FAM133A: variants seen among roughly 807,000 people sequenced by gnomAD.
The protein encoded by FAM133A is protein FAM133A.
For missense variants in FAM133A, 159 were observed against 164.4 expected (o/e 0.97, Z 0.18); for synonymous variants, 65 against 58.6 (o/e 1.11, Z -0.50).
intron 2 of FAM133A, among the ~76,000 whole-genome samples, chrX:93,684,491 G>A: frequency 8.9e-6 from 1 of 111,844 alleles, no homozygotes; most frequent in Admixed American, 9.5e-5. Flanking sequence ...GAACAAAAGA[G>A]CTGGTTCTCA....
chrX:93,685,980 G>A (rs1925487269), intron 2 of FAM133A, among the ~76,000 whole-genome samples: 1 of 108,480 alleles, frequency 9.2e-6, no homozygotes, highest in Non-Finnish European at 1.9e-5. Context: ...GTGGTGGCAG[G>A]CACCTGTAAT....
rs1447055080 is a variant in FAM133A, at chrX:93,705,362, A to ACAGTGC, written c.-103-3954_-103-3949dup. ...ATAATAGAAACAGAGAAGATAAGCC[A>ACAGTGC]CAGTGCTTTTAAAACAGAGTATTTG... On this transcript the variant is annotated intron_variant, in intron 3 of 3. Coordinates refer to ENST00000683942, the MANE Select transcript of FAM133A (RefSeq NM_001171109.2). Among the ~76,000 whole-genome samples the ACAGTGC allele has an allele frequency of 2.4e-4, 27 of 111,893 alleles. No individual in the cohort carries two copies. The Admixed American group carries it at 2.6e-3, about 11-fold the overall frequency.
rs1476222624 is a variant in FAM133A, at chrX:93,709,633, G to A, written c.214G>A (p.Glu72Lys). 2 of 1,190,914 alleles carry A rather than the reference G, an allele frequency of 1.7e-6. No individual in the cohort carries two copies. Among genetic ancestry groups the A allele is most frequent in the Non-Finnish European group, 1.1e-6 (1 of 888,301 alleles). Residue 72 changes from glutamate to lysine, a missense_variant, in exon 4 of 4, where the codon GAA becomes AAA. Physicochemically the swap from Glu to Lys is moderately conservative, Grantham distance 56 (BLOSUM62 1). Coordinates refer to ENST00000683942, the MANE Select transcript of FAM133A (RefSeq NM_001171109.2). ...AAAAATGAATGAAAATTGGAAGAAA[G>A]AACTTGAAAAAAGCAGAGAGAAATT... is the stretch of plus-strand genomic sequence containing the variant. Reference protein sequence around the residue: ...EEKMNENWKKELEKSREKLLS... With the variant: ...EEKMNENWKKKLEKSREKLLS...
At position 93,710,167 on chromosome X, in the gene FAM133A, C is replaced by T. The variant is rs1927349582; in HGVS notation, c.*1C>T. On this transcript the variant is annotated 3_prime_UTR_variant, in exon 4 of 4. Coordinates refer to ENST00000683942, the MANE Select transcript of FAM133A (RefSeq NM_001171109.2). ...TGGATCAAGTCACAAGTCAAGGTAA[C>T]ATCAAGAAAAAAAGCAAGAATGAGT... 1 of 1,149,323 alleles carries T rather than the reference C, an allele frequency of 8.7e-7. No homozygotes were observed. Among genetic ancestry groups the T allele is most frequent in the Admixed American group, 3.1e-5 (1 of 32,522 alleles). 94.7% of individuals were successfully genotyped at this position (1,149,323 alleles called of 1,213,427 possible). A position where few individuals can be genotyped will look rare whatever the true frequency, so the allele number is the denominator to read the frequency against.
intron 2 of FAM133A, among the ~76,000 whole-genome samples, chrX:93,690,131 C>T (rs1925793702): frequency 9.0e-6 from 1 of 110,698 alleles, no homozygotes; most frequent in Admixed American, 9.7e-5. Flanking sequence ...AAAATGGGTG[C>T]ATACGGTGAG....
rs1280671830 is a variant in FAM133A, at chrX:93,709,776, T to A, written c.357T>A (p.Asp119Glu). The change falls in exon 4 of 4, where the codon GAT becomes GAA. Residue 119 changes from aspartate to glutamate, a missense_variant. Asp to Glu is a conservative substitution (Grantham distance 45). Coordinates refer to ENST00000683942, the MANE Select transcript of FAM133A (RefSeq NM_001171109.2). ...CTGATTCTTCAAGCAGTTCTTCAGA[T>A]TCTGAGGATGAGGAAAAGAAACAAG... ...SSSDSSSSSS[D>E]SEDEEKKQGK... 1.7e-6 allele frequency: 2 copies of A among 1,193,219 alleles called. No individual in the cohort carries two copies. The highest frequency in any genetic ancestry group is 2.3e-6 in the Non-Finnish European group (2 of 886,300).
At chrX:93,681,825 G>A (rs1444036351) in intron 2 of FAM133A, among the ~76,000 whole-genome samples, 1 of 111,654 alleles carries the variant, frequency 9.0e-6, no homozygotes, top group African/African-American at 3.2e-5. Context: ...TGTTTGTTTA[G>A]AGGTAACTGG....
intron 3 of FAM133A, among the ~76,000 whole-genome samples, chrX:93,701,334 T>G (rs548677592): frequency 1.8e-5 from 2 of 111,727 alleles, no homozygotes; most frequent in Admixed American, 9.5e-5. Context: ...TTAATAAGAT[T>G]TGTAATTTGA....
At chrX:93,700,939 A>G (rs1283299485) in intron 3 of FAM133A, among the ~76,000 whole-genome samples, 3 of 111,421 alleles carry the variant, frequency 2.7e-5, no homozygotes, top group African/African-American at 9.8e-5. Context: ...GCACAAATAG[A>G]TATGTTTTGA....
At chrX:93,704,175 C>A (rs896532301) in intron 3 of FAM133A, among the ~76,000 whole-genome samples, 5 of 111,691 alleles carry the variant, frequency 4.5e-5, no homozygotes, top group East Asian at 5.6e-4. Flanking sequence ...TCCAAAAAAA[C>A]CTCTTTATTT....
intron 3 of FAM133A, among the ~76,000 whole-genome samples, chrX:93,703,024 C>T (rs780864584): frequency 9.2e-6 from 1 of 108,710 alleles, no homozygotes; most frequent in Non-Finnish European, 1.9e-5. Flanking sequence ...CCTGTCTCTA[C>T]GAAAAAATAC....
intron 2 of FAM133A, among the ~76,000 whole-genome samples, chrX:93,678,650 G>A (rs1007119241): frequency 1.8e-5 from 2 of 111,713 alleles, no homozygotes; most frequent in Non-Finnish European, 3.8e-5. Context: ...AAAGTACAAG[G>A]TATGGATTGA....
chrX:93,709,912 G>A lies in FAM133A; in HGVS notation c.493G>A (p.Asp165Asn), dbSNP rs1471117473. Residue 165 changes from aspartate to asparagine, a missense_variant, in exon 4 of 4, where the codon GAT becomes AAT. Transcript: ENST00000683942. Reference protein sequence around the residue: ...ESVKKKKKSKDETEKEKDVRS... With the variant: ...ESVKKKKKSKNETEKEKDVRS... ...TGTAAAAAAGAAAAAGAAGTCAAAG[G>A]ATGAAACAGAGAAAGAAAAGGATGT... 1 of 1,190,474 alleles carries A rather than the reference G, an allele frequency of 8.4e-7. No homozygotes were observed. The highest frequency in any genetic ancestry group is 1.8e-5 in the African/African-American group (1 of 55,790).
chrX:93,684,167 GTATTGTTGTA>G (rs1299029905), intron 2 of FAM133A, among the ~76,000 whole-genome samples: 2 of 111,659 alleles, frequency 1.8e-5, no homozygotes, highest in Non-Finnish European at 3.8e-5. Context: ...CATTTTGAGT[GTATTGTTGTA>G]TAGGCAGAGA....
intron 3 of FAM133A, among the ~76,000 whole-genome samples, chrX:93,699,848 A>T (rs1267950358): frequency 9.0e-6 from 1 of 111,195 alleles, no homozygotes; most frequent in Non-Finnish European, 1.9e-5. Context: ...CTATCATCTA[A>T]TGCCTAATCA....
In FAM133A at chrX:93,709,886, C is replaced by G. The variant is rs947618769; in HGVS notation, c.467C>G (p.Ser156Cys). 8.4e-7 allele frequency: 1 copy of G among 1,196,083 alleles called. No homozygotes were observed. The highest frequency in any genetic ancestry group is 1.1e-6 in the Non-Finnish European group (1 of 889,138). Residue 156 changes from serine (S) to cysteine (C), a missense_variant, in exon 4 of 4, where the codon TCT (serine) becomes TGT (cysteine). Physicochemically the swap from Ser to Cys is moderately radical, Grantham distance 112 (BLOSUM62 -1). Coordinates refer to ENST00000683942, the MANE Select transcript of FAM133A (RefSeq NM_001171109.2). ...THESESESKE[S>C]VKKKKKSKDE... ...GAATCAGAATCAGAGAGCAAGGAGTCTGTAAAAAAGAAAAAGAAGTCAAAG... is the reference window on the plus strand; with the variant it reads ...GAATCAGAATCAGAGAGCAAGGAGTGTGTAAAAAAGAAAAAGAAGTCAAAG...
At chrX:93,697,637 T>C (rs920559214) in intron 2 of FAM133A, among the ~76,000 whole-genome samples, 2 of 111,838 alleles carry the variant, frequency 1.8e-5, no homozygotes, top group Non-Finnish European at 3.8e-5. Flanking sequence ...ATTCAGTCTG[T>C]TGTGATATGA....
rs376335726 is a variant in FAM133A at position 93,679,915 on chromosome X, ATTTTTTTTTTTTTTTTTTTTTTTT to A, written c.-193+5183_-193+5206del. 3.8e-3 allele frequency among the ~76,000 whole-genome samples: 238 copies of A among 62,430 alleles called. 1 individual carries two copies. Among genetic ancestry groups the A allele is most frequent in the African/African-American group, 0.018 (213 of 12,001 alleles). The allele number at this position is 62,430 out of a possible 115,157, so 54.2% of individuals were successfully genotyped here. A position where few individuals can be genotyped will look rare whatever the true frequency, so the allele number is the denominator to read the frequency against. ...AGGTGTGTACCACCACTCCTGGCAA[ATTTTTTTTTTTTTTTTTTTTTTTT>A]TTTTTTTTTTTTTTTTTTTAGTAGA... On this transcript the variant is annotated intron_variant, in intron 2 of 3. Coordinates refer to ENST00000683942, the MANE Select transcript of FAM133A (RefSeq NM_001171109.2).
At position 93,695,869 on chromosome X, in the gene FAM133A, C is replaced by T. The variant is rs903880692; in HGVS notation, c.-192-2528C>T. ...CCATGTTAGCCAGGATGGTCTCGAT[C>T]TCCTGACCTTGTGATCCACCCACCT... On this transcript the variant is annotated intron_variant, in intron 2 of 3. Coordinates refer to ENST00000683942, the MANE Select transcript of FAM133A (RefSeq NM_001171109.2). 1.1e-4 allele frequency among the ~76,000 whole-genome samples: 12 copies of T among 108,778 alleles called. No individual in the cohort carries two copies. The East Asian group carries it at 3.2e-3, about 29-fold the overall frequency. The allele number at this position is 108,778 out of a possible 115,157, so 94.5% of individuals were successfully genotyped here. A position where few individuals can be genotyped will look rare whatever the true frequency, so the allele number is the denominator to read the frequency against.
Sources: gnomAD v4.1 joint callset for allele counts (sites outside exome capture counted in the v4.1 genomes callset) on GRCh38, gnomAD v4.1.1 for gene constraint, MANE v1.5 for transcripts, NCBI Gene and HGNC (gene_info 2026-07-23, HGNC 2026-07-21) for gene names.